The following BACH2 variants were observed in gnomAD, a reference collection of about 807,000 sequenced individuals.
The protein encoded by BACH2 is transcription regulator protein BACH2.
A neutral mutation model predicts 61.8 loss-of-function variants in BACH2; 5 were observed. The observed-to-expected ratio is 0.08, with a 90% confidence interval of 0.04 to 0.17. The LOEUF (loss-of-function observed/expected upper bound fraction) is 0.17, where lower values mean the gene tolerates loss of function less well. BACH2 is among the 10% of genes least tolerant of loss of function. The pLI is 1.00. For missense variants in BACH2, 824 were observed against 1,091.1 expected (o/e 0.76, Z 3.45); for synonymous variants, 446 against 440.1 (o/e 1.01, Z -0.17).
chr6:90,054,351 A>G (rs1226153544), intron 5 of BACH2, among the ~76,000 whole-genome samples: 1 of 152,240 alleles, frequency 6.6e-6, no homozygotes, highest in Non-Finnish European at 1.5e-5. Flanking sequence ...TCCTACGCCC[A>G]TGGAGTCTCA....
chr6:90,150,393 T>C (rs1459911731), intron 4 of BACH2, among the ~76,000 whole-genome samples: 1 of 152,260 alleles, frequency 6.6e-6, no homozygotes, highest in Admixed American at 6.5e-5. Context: ...AATTCTTCCA[T>C]GCAGTTTTCA....
intron 2 of BACH2, among the ~76,000 whole-genome samples, chr6:90,263,144 T>C (rs1211456629): frequency 3.3e-5 from 5 of 152,160 alleles, no homozygotes; most frequent in Non-Finnish European, 5.9e-5. Context: ...CTGTGATGCA[T>C]CTCACCCCTG....
chr6:89,985,494 C>T (rs772891801), intron 6 of BACH2, among the ~76,000 whole-genome samples: 17 of 152,104 alleles, frequency 1.1e-4, no homozygotes, highest in Admixed American at 5.9e-4. Flanking sequence ...ATTAACAATG[C>T]ACAGACATCC....
At chr6:90,038,770 G>A (rs553568040) in intron 5 of BACH2, among the ~76,000 whole-genome samples, 1 of 152,136 alleles carries the variant, frequency 6.6e-6, no homozygotes, top group Non-Finnish European at 1.5e-5. Flanking sequence ...CGGGCATGGT[G>A]GCTCACACTT....
chr6:90,278,980 A>G (rs1391086237), intron 1 of BACH2, among the ~76,000 whole-genome samples: 2 of 152,244 alleles, frequency 1.3e-5, no homozygotes, highest in East Asian at 3.8e-4. Flanking sequence ...TTCAACATGT[A>G]ATCAACATAA....
intron 6 of BACH2, among the ~76,000 whole-genome samples, chr6:89,988,748 G>T (rs1776377434): frequency 6.6e-6 from 1 of 152,124 alleles, no homozygotes; most frequent in Non-Finnish European, 1.5e-5. Flanking sequence ...TCAAGACTGG[G>T]CAAAAATTAG....
At chr6:89,948,640 C>T (rs531110360) in intron 7 of BACH2, among the ~76,000 whole-genome samples, 5 of 152,276 alleles carry the variant, frequency 3.3e-5, no homozygotes, top group South Asian at 4.2e-4. Flanking sequence ...ACATCAGGCA[C>T]GCTCATTCAC....
chr6:90,055,944 C>A (rs1029949874), intron 5 of BACH2, among the ~76,000 whole-genome samples: 1 of 152,126 alleles, frequency 6.6e-6, no homozygotes, highest in African/African-American at 2.4e-5. Flanking sequence ...CACCACCAGG[C>A]CTGCCCTAAA....
At chr6:90,097,730 G>A (rs1450137610) in intron 4 of BACH2, among the ~76,000 whole-genome samples, 1 of 152,144 alleles carries the variant, frequency 6.6e-6, no homozygotes, top group Non-Finnish European at 1.5e-5. Context: ...GTGGCACCAA[G>A]TACATTTGTT....
At chr6:89,969,190 A>C (rs1252985330) in intron 6 of BACH2, among the ~76,000 whole-genome samples, 7 of 150,358 alleles carry the variant, frequency 4.7e-5, no homozygotes, top group Admixed American at 6.7e-5. Context: ...AGTAGCTGGG[A>C]TTACAGGAAT....
At chr6:90,119,788 C>A (rs1399977138) in intron 4 of BACH2, among the ~76,000 whole-genome samples, 1 of 152,114 alleles carries the variant, frequency 6.6e-6, no homozygotes, top group African/African-American at 2.4e-5. Flanking sequence ...ACATAACGTT[C>A]ATCCACCTTG....
chr6:90,187,786 G>A (rs182787588), intron 4 of BACH2, among the ~76,000 whole-genome samples: 1 of 152,304 alleles, frequency 6.6e-6, no homozygotes, highest in African/African-American at 2.4e-5. Context: ...ATCTGTCGTA[G>A]GCACTTTTAC....
At chr6:90,120,345 C>T (rs1783572202) in intron 4 of BACH2, among the ~76,000 whole-genome samples, 1 of 152,186 alleles carries the variant, frequency 6.6e-6, no homozygotes, top group South Asian at 2.1e-4. Flanking sequence ...AGGTACCAAA[C>T]TCTGTGGGCA....
At chr6:90,210,768 G>A (rs777737470) in intron 3 of BACH2, among the ~76,000 whole-genome samples, 30 of 152,100 alleles carry the variant, frequency 2.0e-4, no homozygotes, top group Non-Finnish European at 2.6e-4. Context: ...CCATAAGCCC[G>A]TGTGACTTCC....
intron 6 of BACH2, among the ~76,000 whole-genome samples, chr6:89,981,911 G>A (rs1028059460): frequency 2.0e-5 from 3 of 152,116 alleles, no homozygotes; most frequent in Non-Finnish European, 2.9e-5. Context: ...TGAAGAAAGG[G>A]ATATGGGGGT....
chr6:89,974,048 G>A (rs1302395773), intron 6 of BACH2, among the ~76,000 whole-genome samples: 1 of 152,070 alleles, frequency 6.6e-6, no homozygotes, highest in Non-Finnish European at 1.5e-5. Context: ...ACTAGAGCTG[G>A]AGATACTCAC....
intron 4 of BACH2, among the ~76,000 whole-genome samples, chr6:90,109,637 A>G (rs1783079105): frequency 6.6e-6 from 1 of 152,194 alleles, no homozygotes; most frequent in African/African-American, 2.4e-5. Flanking sequence ...AACATGGCCA[A>G]AAAAACAATT....
chr6:90,025,219 A>T (rs914741053), intron 5 of BACH2, among the ~76,000 whole-genome samples: 1 of 152,128 alleles, frequency 6.6e-6, no homozygotes, highest in Non-Finnish European at 1.5e-5. Flanking sequence ...GAAAATGTGC[A>T]ATTTAGCCAT....
chr6:90,228,934 T>C (rs1454070823), intron 3 of BACH2, among the ~76,000 whole-genome samples: 3 of 152,068 alleles, frequency 2.0e-5, no homozygotes, highest in African/African-American at 7.2e-5. Flanking sequence ...CCAAGTCAGG[T>C]AGTGAAATGG....
Sources: gnomAD v4.1 joint callset for allele counts (sites outside exome capture counted in the v4.1 genomes callset) on GRCh38, gnomAD v4.1.1 for gene constraint, MANE v1.5 for transcripts, NCBI Gene and HGNC (gene_info 2026-07-23, HGNC 2026-07-21) for gene names.